Variants in CREB5 observed in about 807,000 individuals in gnomAD.
CREB5 encodes cAMP responsive element binding protein 5, also known as cyclic AMP-responsive element-binding protein 5.
In CREB5, 19 loss-of-function variants were observed where a neutral mutation model predicts 57.1. The ratio of observed to expected loss-of-function variants is 0.33; its 90% CI spans 0.23 to 0.49. CREB5 has a LOEUF of 0.49. Ranked by LOEUF, CREB5 falls within the 20% of genes least tolerant of loss-of-function variation. The pLI, the probability that CREB5 is intolerant of heterozygous loss-of-function variation, is 0.99. For missense variants in CREB5, 579 were observed against 671.6 expected, an observed-to-expected ratio of 0.86 and a Z score of 1.52; for synonymous variants, 238 against 238.3, an observed-to-expected ratio of 1.00 and a Z score of 0.01.
intron 1 of CREB5, among the ~76,000 whole-genome samples, chr7:28,419,950 A>G (rs1216166089): frequency 6.6e-6 from 1 of 152,222 alleles, no homozygotes; most frequent in Non-Finnish European, 1.5e-5. Context: ...ATGAGGGTGC[A>G]GTGTTTTGGC....
intron 5 of CREB5, among the ~76,000 whole-genome samples, chr7:28,629,415 ATTC>A (rs1798120762): frequency 3.9e-5 from 6 of 152,166 alleles, no homozygotes; most frequent in Admixed American, 3.3e-4. Context: ...TGGTCCCTGA[ATTC>A]TTCTTTCTGG....
At chr7:28,523,349 C>T (rs1338047531) in intron 4 of CREB5, among the ~76,000 whole-genome samples, 1 of 152,206 alleles carries the variant, frequency 6.6e-6, no homozygotes, top group Non-Finnish European at 1.5e-5. Context: ...TGGGAATACT[C>T]CCATTATGTT....
chr7:28,710,354 A>ATT lies in CREB5; in HGVS notation c.465-8398_465-8397insTT, dbSNP rs762734931. Reference sequence around the variant, plus strand: ...ATTTATGTTTTCATTAATAAAAGACATATTTATTAAGCACCTACTAGGTAC... The same window carrying ATT: ...ATTTATGTTTTCATTAATAAAAGACATTTATTTATTAAGCACCTACTAGGTAC... On this transcript the variant is annotated intron_variant, in intron 5 of 10. Coordinates refer to ENST00000357727, the MANE Select transcript of CREB5 (RefSeq NM_182898.4). 5.4e-4 allele frequency among the ~76,000 whole-genome samples: 83 copies of ATT among 152,308 alleles called. No homozygotes were observed. The East Asian group carries it at 9.8e-3, about 18-fold the overall frequency.
intron 5 of CREB5, among the ~76,000 whole-genome samples, chr7:28,601,393 C>T (rs1583693117): frequency 6.6e-6 from 1 of 152,068 alleles, no homozygotes; most frequent in Non-Finnish European, 1.5e-5. Context: ...AGGTAGAGGT[C>T]GTGCAGTGTT....
At chr7:28,603,643 A>G (rs1335661348) in intron 5 of CREB5, among the ~76,000 whole-genome samples, 1 of 152,218 alleles carries the variant, frequency 6.6e-6, no homozygotes, top group Non-Finnish European at 1.5e-5. Flanking sequence ...TACAATCTGA[A>G]TGTGTCATAC....
At chr7:28,605,685 T>C (rs973876437) in intron 5 of CREB5, among the ~76,000 whole-genome samples, 8 of 152,172 alleles carry the variant, frequency 5.3e-5, no homozygotes, top group African/African-American at 1.7e-4. Context: ...AGAGTTGAAG[T>C]TGATTTCCTG....
intron 4 of CREB5, among the ~76,000 whole-genome samples, chr7:28,533,111 C>T (rs962547109): frequency 3.3e-5 from 5 of 151,956 alleles, no homozygotes; most frequent in Admixed American, 6.6e-5. Flanking sequence ...AAAAATTAGC[C>T]GGGTGTGGTG....
At chr7:28,650,486 A>G (rs1455584788) in intron 5 of CREB5, among the ~76,000 whole-genome samples, 2 of 152,134 alleles carry the variant, frequency 1.3e-5, no homozygotes, top group Admixed American at 6.5e-5. Context: ...TTCTGCCAGG[A>G]CACAGTCATG....
chr7:28,566,746 A>G (rs1428744616), intron 4 of CREB5, among the ~76,000 whole-genome samples: 1 of 152,082 alleles, frequency 6.6e-6, no homozygotes, highest in Admixed American at 6.5e-5. Flanking sequence ...TTTTGAAATT[A>G]CTCTCTGGGT....
intron 3 of CREB5, among the ~76,000 whole-genome samples, chr7:28,506,192 T>C (rs217514): frequency 0.27 from 41,155 of 152,124 alleles, 6,937 homozygotes; most frequent in Non-Finnish European, 0.36. Flanking sequence ...TATTACACCA[T>C]TTTCTGCTTC....
chr7:28,604,294 T>C (rs1797032639), intron 5 of CREB5, among the ~76,000 whole-genome samples: 1 of 152,158 alleles, frequency 6.6e-6, no homozygotes, highest in African/African-American at 2.4e-5. Flanking sequence ...TGGATATAGA[T>C]ATCTGAGGGA....
chr7:28,488,367 T>C, intron 2 of CREB5, 121 bp downstream of exon 2: 1 of 728,216 alleles, frequency 1.4e-6, no homozygotes, highest in Non-Finnish European at 2.3e-6. Flanking sequence ...ACCACCAAAG[T>C]CCCCCTCCCC....
intron 1 of CREB5, among the ~76,000 whole-genome samples, chr7:28,453,806 A>AG (rs1293460917): frequency 6.6e-6 from 1 of 152,232 alleles, no homozygotes; most frequent in Non-Finnish European, 1.5e-5. Flanking sequence ...GCTGCCCCCA[A>AG]GGGCATTGCG....
At chr7:28,716,772 C>CT (rs1460045562) in intron 5 of CREB5, among the ~76,000 whole-genome samples, 1 of 152,192 alleles carries the variant, frequency 6.6e-6, no homozygotes, top group Non-Finnish European at 1.5e-5. Flanking sequence ...GTGAAGGAGA[C>CT]TTTAAGACCT....
intron 1 of CREB5, among the ~76,000 whole-genome samples, chr7:28,334,415 C>T (rs1785774545): frequency 6.6e-6 from 1 of 152,194 alleles, no homozygotes; most frequent in Admixed American, 6.5e-5. Context: ...CCTTGGCCTC[C>T]CAAAGTGCTG....
chr7:28,602,902 A>G (rs1796978373), intron 5 of CREB5, among the ~76,000 whole-genome samples: 1 of 152,210 alleles, frequency 6.6e-6, no homozygotes, highest in African/African-American at 2.4e-5. Flanking sequence ...GGATGGTACC[A>G]CTGTCAATTT....
chr7:28,712,524 T>TTTATTATTATTGTTATTATTATTA (rs1802451045), intron 5 of CREB5, among the ~76,000 whole-genome samples: 1 of 135,322 alleles, frequency 7.4e-6, no homozygotes, highest in Non-Finnish European at 1.6e-5. Context: ...AAAAAGAGAA[T>TTTATTATTATTGTTATTATTATTA]TTATTATTAT....
At chr7:28,631,846 G>A (rs1217479120) in intron 5 of CREB5, among the ~76,000 whole-genome samples, 7 of 152,064 alleles carry the variant, frequency 4.6e-5, no homozygotes, top group Non-Finnish European at 5.9e-5. Flanking sequence ...ACCATAAGGC[G>A]GCGCCAGGGA....
intron 5 of CREB5, among the ~76,000 whole-genome samples, chr7:28,689,629 A>G (rs11979970): frequency 0.26 from 39,778 of 152,056 alleles, 5,393 homozygotes; most frequent in African/African-American, 0.31. Context: ...GAACAAGCAC[A>G]TACAGTTTTG....
Sources: gnomAD v4.1 joint callset for allele counts (sites outside exome capture counted in the v4.1 genomes callset) on GRCh38, gnomAD v4.1.1 for gene constraint, MANE v1.5 for transcripts, NCBI Gene and HGNC (gene_info 2026-07-23, HGNC 2026-07-21) for gene names.